The following NETO1 variants were observed in gnomAD, a reference collection of about 807,000 sequenced individuals.
NETO1 encodes the protein neuropilin and tolloid like 1.
NETO1 carries 26 observed loss-of-function variants against 61.3 expected under a neutral mutation model. That is an observed-to-expected ratio of 0.42 (90% CI 0.31 to 0.59). The LOEUF (loss-of-function observed/expected upper bound fraction) is 0.59, where lower values mean the gene tolerates loss of function less well. Ranked by LOEUF, NETO1 falls within the 20% of genes least tolerant of loss-of-function variation. NETO1 has a pLI of 0.12. For synonymous variants in NETO1, 225 were observed against 225.8 expected (o/e 1.00, Z 0.03); for missense variants, 531 against 662.8 (o/e 0.80, Z 2.18).
chr18:72,794,002 C>T lies in NETO1; in HGVS notation c.639+115G>A, dbSNP rs941772583. ...TCAAAAACCAAAATGAAATCATAGC[C>T]TTTGATGGCTGCACTCTGAAATGTA... On this transcript the variant is annotated intron_variant, in intron 6 of 10. Transcript: ENST00000327305. 8.9e-6 allele frequency: 12 copies of T among 1,346,660 alleles called. No individual in the cohort carries two copies. In the African/African-American group the frequency reaches 1.4e-4, roughly 16 times the overall value. 83.4% of individuals were successfully genotyped at this position (1,346,660 alleles called of 1,614,324 possible). A position where few individuals can be genotyped will look rare whatever the true frequency, so the allele number is the denominator to read the frequency against.
intron 4 of NETO1, among the ~76,000 whole-genome samples, chr18:72,837,446 T>C (rs2073786952): frequency 6.6e-6 from 1 of 152,204 alleles, no homozygotes; most frequent in Non-Finnish European, 1.5e-5. Flanking sequence ...ACAATATCTG[T>C]GACTAAACCT....
chr18:72,833,223 C>G (rs924402598), intron 4 of NETO1, among the ~76,000 whole-genome samples: 3 of 152,138 alleles, frequency 2.0e-5, no homozygotes, highest in Non-Finnish European at 2.9e-5. Flanking sequence ...ATGAATCTAC[C>G]GTTTTTCACT....
chr18:72,772,740 C>G (rs2071391351), intron 7 of NETO1, among the ~76,000 whole-genome samples: 1 of 109,120 alleles, frequency 9.2e-6, no homozygotes, highest in Non-Finnish European at 1.8e-5. Flanking sequence ...TGTACACACA[C>G]ACATCTCTCT....
intron 7 of NETO1, among the ~76,000 whole-genome samples, chr18:72,776,669 A>G (rs1367229266): frequency 6.6e-6 from 1 of 152,112 alleles, no homozygotes; most frequent in Non-Finnish European, 1.5e-5. Flanking sequence ...AAGGGCACTC[A>G]TCTCACTTAT....
chr18:72,783,960 G>T, intron 6 of NETO1, 54 bp from the exon 7 acceptor site: 1 of 1,201,970 alleles, frequency 8.3e-7, no homozygotes, highest in Non-Finnish European at 1.2e-6. Context: ...ATGTACATCA[G>T]TATCAGAACT....
intron 4 of NETO1, among the ~76,000 whole-genome samples, chr18:72,815,647 C>G (rs371803713): frequency 6.6e-6 from 1 of 152,152 alleles, no homozygotes; most frequent in Non-Finnish European, 1.5e-5. Context: ...GTAAGACTGA[C>G]GACATCGAGT....
intron 4 of NETO1, among the ~76,000 whole-genome samples, chr18:72,812,500 C>T (rs1458828938): frequency 1.3e-5 from 2 of 152,190 alleles, no homozygotes. Context: ...TTTTTGGTTT[C>T]TTCCTCACTC....
intron 4 of NETO1, among the ~76,000 whole-genome samples, chr18:72,829,807 A>T (rs2073513811): frequency 6.6e-6 from 1 of 152,190 alleles, no homozygotes; most frequent in African/African-American, 2.4e-5. Flanking sequence ...TGCGAGACAG[A>T]GCTGCTCTTG....
chr18:72,777,670 G>A (rs1437236890), intron 7 of NETO1, among the ~76,000 whole-genome samples: 1 of 151,610 alleles, frequency 6.6e-6, no homozygotes, highest in African/African-American at 2.4e-5. Context: ...GTGAACCCGG[G>A]AGGCGGAGCT....
intron 4 of NETO1, among the ~76,000 whole-genome samples, chr18:72,817,592 G>A (rs4892047): frequency 0.7 from 105,985 of 152,212 alleles, 40,635 homozygotes; most frequent in Non-Finnish European, 0.87. Flanking sequence ...GACAGAAACC[G>A]CCCTATAGGA....
intron 6 of NETO1, among the ~76,000 whole-genome samples, chr18:72,789,913 T>C (rs920306311): frequency 2.6e-5 from 4 of 152,234 alleles, no homozygotes; most frequent in African/African-American, 9.6e-5. Context: ...CTTAATCACA[T>C]AGGCACATTT....
At chr18:72,763,121 T>G (rs894268465) in intron 7 of NETO1, among the ~76,000 whole-genome samples, 2 of 143,456 alleles carry the variant, frequency 1.4e-5, no homozygotes, top group African/African-American at 2.5e-5. Context: ...ACGCTTATTC[T>G]ATTAGATTTC....
chr18:72,865,121 A>G lies in NETO1; in HGVS notation c.82+67T>C, dbSNP rs1599199061. 8.7e-6 allele frequency: 13 copies of G among 1,491,810 alleles called. No individual in the cohort carries two copies. The East Asian group carries it at 2.5e-4, about 29-fold the overall frequency. The allele number at this position is 1,491,810 out of a possible 1,614,324, so 92.4% of individuals were successfully genotyped here. ...TCAGATATTCTGGAATATTAACAGT[A>G]GGAGGAAAATAGGAAAATACAAAAT... On this transcript the variant is annotated intron_variant, in intron 2 of 10. Transcript: ENST00000327305.
At chr18:72,847,072 T>C (rs2145541437) in intron 4 of NETO1, among the ~76,000 whole-genome samples, 1 of 152,356 alleles carries the variant, frequency 6.6e-6, no homozygotes, top group African/African-American at 2.4e-5. Flanking sequence ...CAGAAAACTC[T>C]TGGGGCTTTG....
At position 72,832,562 on chromosome 18, in the gene NETO1, C is replaced by T. The variant is rs969084660; in HGVS notation, c.469+26264G>A. 7.9e-5 allele frequency among the ~76,000 whole-genome samples: 12 copies of T among 152,282 alleles called. No individual in the cohort carries two copies. The East Asian group carries it at 1.2e-3, about 15-fold the overall frequency. ...CATACATTGCAATAAGCAGATCTTA[C>T]GACTCTGTCTCTTGAGCTTCTAGGT... On this transcript the variant is annotated intron_variant, in intron 4 of 10. Coordinates refer to ENST00000327305, the MANE Select transcript of NETO1 (RefSeq NM_138966.5).
At chr18:72,804,669 A>G (rs1355168308) in intron 4 of NETO1, among the ~76,000 whole-genome samples, 1 of 152,184 alleles carries the variant, frequency 6.6e-6, no homozygotes, top group East Asian at 1.9e-4. Flanking sequence ...ATATCACAGA[A>G]TACAGTGGTA....
At chr18:72,772,825 CTATATATATATATATATA>C (rs59339805) in intron 7 of NETO1, among the ~76,000 whole-genome samples, 838 of 40,660 alleles carry the variant, frequency 0.021, 21 homozygotes, top group African/African-American at 0.067. Flanking sequence ...CTCTCTCTCT[CTATATATATATATATATA>C]TATATATATA....
chr18:72,864,880 C>T lies in NETO1; in HGVS notation c.148G>A (p.Gly50Arg). 1 of 1,613,742 alleles carries T rather than the reference C, an allele frequency of 6.2e-7. No homozygotes were observed. Among genetic ancestry groups the T allele is most frequent in the Non-Finnish European group, 8.5e-7 (1 of 1,179,848 alleles). ...TAGTTGGGAGAGGTAAAGATACCTC[C>T]CTCTGCATGTTTTGTCCAAGTTCCA... ...QCGTWTKHAE[G>R]GIFTSPNYPS... is the part of the protein sequence containing the mutation. Residue 50 changes from glycine to arginine, a missense_variant, in exon 3 of 11, where the codon GGA (glycine) becomes AGA (arginine). By Grantham distance (125) the Gly-to-Arg change is moderately radical. Coordinates refer to ENST00000327305, the MANE Select transcript of NETO1 (RefSeq NM_138966.5).
intron 7 of NETO1, among the ~76,000 whole-genome samples, chr18:72,766,215 A>T: frequency 1.2e-5 from 1 of 82,882 alleles, no homozygotes; most frequent in Non-Finnish European, 2.6e-5. Flanking sequence ...CAGAAAAAAA[A>T]AAATATGTGT....
Sources: allele counts gnomAD v4.1 joint callset (sites outside exome capture counted in the v4.1 genomes callset), GRCh38; gene constraint gnomAD v4.1.1; transcripts MANE v1.5; gene names NCBI Gene and HGNC (gene_info 2026-07-23, HGNC 2026-07-21).